The following SPAG16 variants were observed in gnomAD, a reference collection of about 807,000 sequenced individuals.
The protein encoded by SPAG16 is sperm-associated antigen 16 protein.
SPAG16 carries 86 observed loss-of-function variants against 80.4 expected under a neutral mutation model. That is an observed-to-expected ratio of 1.07 (90% CI 0.90 to 1.28). The LOEUF (loss-of-function observed/expected upper bound fraction) is 1.28, where lower values mean the gene tolerates loss of function less well. SPAG16 is among the 50% of genes most tolerant of loss of function. The pLI, the probability that SPAG16 is intolerant of heterozygous loss-of-function variation, is 0.00. For missense variants in SPAG16, 870 were observed against 765.3 expected (o/e 1.14, Z -1.61); for synonymous variants, 294 against 265.9 (o/e 1.11, Z -1.03).
chr2:214,344,549 T>A (rs1183742423), intron 15 of SPAG16, among the ~76,000 whole-genome samples: 7 of 152,200 alleles, frequency 4.6e-5, no homozygotes, highest in Non-Finnish European at 1.0e-4. Context: ...AAGTTCAGCG[T>A]TTCTATAATT....
intron 10 of SPAG16, among the ~76,000 whole-genome samples, chr2:213,817,080 GTTTA>G (rs1238728790): frequency 6.6e-6 from 1 of 151,374 alleles, no homozygotes; most frequent in Non-Finnish European, 1.5e-5. Context: ...AATTATTTTT[GTTTA>G]TTTAATAGGT....
intron 9 of SPAG16, among the ~76,000 whole-genome samples, chr2:213,465,496 A>C (rs959637108): frequency 6.6e-6 from 1 of 152,140 alleles, no homozygotes; most frequent in Admixed American, 6.5e-5. Flanking sequence ...GTTCACAGTC[A>C]TGTTCAGGCT....
chr2:214,315,227 A>G (rs906936466), intron 15 of SPAG16, among the ~76,000 whole-genome samples: 8 of 152,056 alleles, frequency 5.3e-5, no homozygotes, highest in African/African-American at 1.9e-4. Context: ...GCCCCATACC[A>G]CCTATTTCCT....
At chr2:213,916,586 A>G (rs2077982400) in intron 11 of SPAG16, among the ~76,000 whole-genome samples, 1 of 152,020 alleles carries the variant, frequency 6.6e-6, no homozygotes, top group Non-Finnish European at 1.5e-5. Flanking sequence ...TAAAACCTTC[A>G]GATCTTGTGA....
At chr2:213,430,006 T>A (rs1000561118) in intron 9 of SPAG16, among the ~76,000 whole-genome samples, 1 of 152,188 alleles carries the variant, frequency 6.6e-6, no homozygotes, top group African/African-American at 2.4e-5. Flanking sequence ...AAATACTCAA[T>A]ATTCCAGATA....
intron 13 of SPAG16, among the ~76,000 whole-genome samples, chr2:214,023,267 A>G (rs1425482762): frequency 2.6e-5 from 4 of 151,818 alleles, no homozygotes; most frequent in Non-Finnish European, 4.4e-5. Context: ...GATGGATGTT[A>G]TGGTTTTTTC....
chr2:213,548,750 G>A (rs1441769789), intron 10 of SPAG16, among the ~76,000 whole-genome samples: 1 of 151,784 alleles, frequency 6.6e-6, no homozygotes. Context: ...ATTTATTTTT[G>A]TATGGTATAA....
intron 10 of SPAG16, among the ~76,000 whole-genome samples, chr2:213,493,929 T>C (rs12997815): frequency 0.43 from 66,095 of 152,036 alleles, 15,203 homozygotes; most frequent in African/African-American, 0.57. Context: ...GCCATTCTCC[T>C]CTGCCATCGG....
chr2:213,780,378 T>C (rs565151392), intron 10 of SPAG16, among the ~76,000 whole-genome samples: 1 of 152,318 alleles, frequency 6.6e-6, no homozygotes, highest in South Asian at 2.1e-4. Flanking sequence ...CTCTGACTTG[T>C]GTGAAATATA....
intron 10 of SPAG16, among the ~76,000 whole-genome samples, chr2:213,765,100 G>A (rs953041171): frequency 6.6e-6 from 1 of 152,208 alleles, no homozygotes; most frequent in Non-Finnish European, 1.5e-5. Flanking sequence ...GGGCACGATG[G>A]CTCATGCCTG....
At chr2:213,294,880 T>A (rs1319538822) in intron 1 of SPAG16, among the ~76,000 whole-genome samples, 1 of 152,218 alleles carries the variant, frequency 6.6e-6, no homozygotes, top group Non-Finnish European at 1.5e-5. Flanking sequence ...AGGTCCTAGC[T>A]GTGGAACCTT....
At position 213,659,943 on chromosome 2, in the gene SPAG16, A is replaced by T. The variant is rs142035940; in HGVS notation, c.1070+169853A>T. On this transcript the variant is annotated intron_variant, in intron 10 of 15. Transcript: ENST00000331683. ...GGGAATATTCATTTTCAACAAACCC[A>T]CTCTGTGAGTCCATTGGGATTCTTT... Among the ~76,000 whole-genome samples, 93 of 152,036 alleles carry T rather than the reference A, an allele frequency of 6.1e-4. 1 individual carries two copies. In the East Asian group the frequency reaches 0.018, roughly 29 times the overall value.
chr2:213,674,292 T>A (rs1177195975), intron 10 of SPAG16, among the ~76,000 whole-genome samples: 1 of 152,146 alleles, frequency 6.6e-6, no homozygotes, highest in Non-Finnish European at 1.5e-5. Flanking sequence ...GGATTAGACT[T>A]TGGAGCAATA....
chr2:214,213,612 G>A (rs2058352088), intron 15 of SPAG16, among the ~76,000 whole-genome samples: 2 of 152,142 alleles, frequency 1.3e-5, no homozygotes, highest in Non-Finnish European at 2.9e-5. Flanking sequence ...AGCATTCCTG[G>A]CCTCTACCAG....
At chr2:214,135,956 G>C (rs2125516224) in intron 14 of SPAG16, among the ~76,000 whole-genome samples, 1 of 152,270 alleles carries the variant, frequency 6.6e-6, no homozygotes, top group South Asian at 2.1e-4. Context: ...TGTTATACAA[G>C]AAGTATGGTG....
At chr2:214,023,407 TA>T (rs10709319) in intron 13 of SPAG16, among the ~76,000 whole-genome samples, 90,768 of 149,362 alleles carry the variant, frequency 0.61, 28,515 homozygotes, top group Non-Finnish European at 0.69. Context: ...AGGCATTCAT[TA>T]AAAAAAAAAG....
intron 15 of SPAG16, among the ~76,000 whole-genome samples, chr2:214,226,707 A>G (rs765751596): frequency 1.1e-4 from 16 of 152,060 alleles, no homozygotes; most frequent in Non-Finnish European, 2.2e-4. Context: ...ATCACACAAG[A>G]TCACATTTTG....
In SPAG16 at chr2:214,173,928, A is replaced by C. The variant is rs573054319; in HGVS notation, c.1720+24662A>C. On this transcript the variant is annotated intron_variant, in intron 15 of 15. Transcript: ENST00000331683. ...ATGCAAGGCTGGTTCAATATATGCAAATCAATAAATGTAATCCAGCATATA... is the reference window on the plus strand; with the variant it reads ...ATGCAAGGCTGGTTCAATATATGCACATCAATAAATGTAATCCAGCATATA... Among the ~76,000 whole-genome samples, 9 of 152,020 alleles carry C rather than the reference A, an allele frequency of 5.9e-5. No homozygotes were observed. In the East Asian group the frequency reaches 1.7e-3, roughly 29 times the overall value.
intron 15 of SPAG16, among the ~76,000 whole-genome samples, chr2:214,270,399 C>G (rs917242979): frequency 6.6e-6 from 1 of 152,030 alleles, no homozygotes; most frequent in Non-Finnish European, 1.5e-5. Flanking sequence ...TAATTTAAAC[C>G]TGTTGGTTGA....
Sources: allele counts gnomAD v4.1 joint callset (sites outside exome capture counted in the v4.1 genomes callset), GRCh38; gene constraint gnomAD v4.1.1; transcripts MANE v1.5; gene names NCBI Gene and HGNC (gene_info 2026-07-23, HGNC 2026-07-21).